Variants in CAMK1D observed in about 807,000 individuals in gnomAD.
The protein encoded by CAMK1D is calcium/calmodulin-dependent protein kinase type 1D.
Under a neutral mutation model 47.7 loss-of-function variants are expected in CAMK1D, and 9 were observed. The observed-to-expected ratio is 0.19, with a 90% confidence interval of 0.11 to 0.33. CAMK1D has a LOEUF of 0.33. Among genes scored for constraint, CAMK1D ranks in the 10% least tolerant of loss-of-function variants. The pLI is 1.00. For missense variants in CAMK1D, 291 were observed against 488.7 expected (o/e 0.60, Z 3.81); for synonymous variants, 184 against 184.9 (o/e 0.99, Z 0.04).
rs1840523438 is a variant in CAMK1D at position 12,669,057 on chromosome 10, C to A, written c.299+2247C>A. On this transcript the variant is annotated intron_variant, in intron 3 of 10. Coordinates refer to ENST00000619168, the MANE Select transcript of CAMK1D (RefSeq NM_153498.4). ...GACCAGCCTGGCCAACATGGTGAAA[C>A]CCCATCTCTACTAAAAATGTAAAAA... 2.0e-5 allele frequency among the ~76,000 whole-genome samples: 3 copies of A among 152,196 alleles called. No individual in the cohort carries two copies. In the South Asian group the frequency reaches 6.2e-4, roughly 32 times the overall value.
intron 3 of CAMK1D, among the ~76,000 whole-genome samples, chr10:12,746,688 G>A (rs189283930): frequency 1.3e-5 from 2 of 152,256 alleles, no homozygotes; most frequent in Admixed American, 6.5e-5. Flanking sequence ...CAGAGTTACT[G>A]AGGAAAGGAG....
chr10:12,470,654 T>G (rs908256102), intron 1 of CAMK1D, among the ~76,000 whole-genome samples: 11 of 152,098 alleles, frequency 7.2e-5, no homozygotes. Flanking sequence ...GTGGCTGGAA[T>G]TACTGGTGCC....
chr10:12,670,058 T>C (rs1458186703), intron 3 of CAMK1D, among the ~76,000 whole-genome samples: 3 of 152,020 alleles, frequency 2.0e-5, no homozygotes, highest in African/African-American at 7.2e-5. Context: ...ATGGGTCATA[T>C]GGTAGATGTT....
chr10:12,516,230 T>A (rs1274649190), intron 1 of CAMK1D, among the ~76,000 whole-genome samples: 2 of 152,186 alleles, frequency 1.3e-5, no homozygotes, highest in Admixed American at 6.5e-5. Flanking sequence ...TGCCTCAGCC[T>A]CCTGAGTAGC....
At chr10:12,749,507 A>C (rs1315078855) in intron 3 of CAMK1D, among the ~76,000 whole-genome samples, 1 of 150,412 alleles carries the variant, frequency 6.6e-6, no homozygotes, top group African/African-American at 2.4e-5. Flanking sequence ...AAGGGACTGG[A>C]ACACATAGAA....
chr10:12,464,973 T>G lies in CAMK1D; in HGVS notation c.93-88252T>G, dbSNP rs545142117. Among the ~76,000 whole-genome samples, 26 of 152,342 alleles carry G rather than the reference T, an allele frequency of 1.7e-4. 1 individual carries two copies. In the South Asian group the frequency reaches 5.4e-3, roughly 32 times the overall value. ...ACACATTCCTGAGACGTTCTGGATATTGGGCAAGGAATAATCAATCCTAAA... is the reference window on the plus strand; with the variant it reads ...ACACATTCCTGAGACGTTCTGGATAGTGGGCAAGGAATAATCAATCCTAAA... On this transcript the variant is annotated intron_variant, in intron 1 of 10. Transcript: ENST00000619168.
chr10:12,509,710 C>T (rs971800757), intron 1 of CAMK1D, among the ~76,000 whole-genome samples: 2 of 152,176 alleles, frequency 1.3e-5, no homozygotes, highest in African/African-American at 4.8e-5. Context: ...ATAAGGGCAC[C>T]ACTGCACTCC....
At chr10:12,569,025 A>G (rs1200192242) in intron 2 of CAMK1D, among the ~76,000 whole-genome samples, 2 of 152,196 alleles carry the variant, frequency 1.3e-5, no homozygotes, top group Non-Finnish European at 2.9e-5. Flanking sequence ...TAAACTTCCA[A>G]ATGGAAACTG....
chr10:12,610,916 G>A (rs1838599347), intron 2 of CAMK1D, among the ~76,000 whole-genome samples: 1 of 152,158 alleles, frequency 6.6e-6, no homozygotes, highest in Non-Finnish European at 1.5e-5. Flanking sequence ...TAACAGGATT[G>A]GAGACCCGAT....
intron 1 of CAMK1D, among the ~76,000 whole-genome samples, chr10:12,456,284 G>C (rs1040325060): frequency 6.6e-6 from 1 of 152,154 alleles, no homozygotes; most frequent in Non-Finnish European, 1.5e-5. Context: ...TAGAATTCCT[G>C]AATGCTCTTA....
intron 1 of CAMK1D, among the ~76,000 whole-genome samples, chr10:12,400,109 C>T (rs186420184): frequency 6.6e-5 from 10 of 152,106 alleles, no homozygotes; most frequent in Non-Finnish European, 7.3e-5. Flanking sequence ...ATGTCATTTG[C>T]GCCTGGATGT....
chr10:12,470,938 G>C (rs901274185), intron 1 of CAMK1D, among the ~76,000 whole-genome samples: 4 of 152,188 alleles, frequency 2.6e-5, no homozygotes, highest in Non-Finnish European at 4.4e-5. Context: ...GCGTGCGTGT[G>C]TGCGTGGTGG....
chr10:12,760,141 AG>A (rs948913464), intron 3 of CAMK1D, among the ~76,000 whole-genome samples: 1 of 152,162 alleles, frequency 6.6e-6, no homozygotes, highest in African/African-American at 2.4e-5. Flanking sequence ...TGTTGAACTC[AG>A]GGCAGCATAA....
intron 1 of CAMK1D, among the ~76,000 whole-genome samples, chr10:12,456,853 C>T (rs897989587): frequency 2.0e-5 from 3 of 151,386 alleles, no homozygotes; most frequent in Non-Finnish European, 2.9e-5. Context: ...GCATCTGGTG[C>T]CATGAACTAA....
At chr10:12,613,983 C>T (rs375660238) in intron 2 of CAMK1D, among the ~76,000 whole-genome samples, 2 of 152,164 alleles carry the variant, frequency 1.3e-5, no homozygotes, top group African/African-American at 2.4e-5. Flanking sequence ...CTGGTCATCA[C>T]CCCCATCACA....
At chr10:12,751,050 C>CG (rs1588884937) in intron 3 of CAMK1D, among the ~76,000 whole-genome samples, 1 of 132,542 alleles carries the variant, frequency 7.5e-6, no homozygotes, top group East Asian at 2.3e-4. Context: ...CCGTCTCCCC[C>CG]AATAAGATAA....
At chr10:12,465,691 A>G (rs1361962355) in intron 1 of CAMK1D, among the ~76,000 whole-genome samples, 3 of 152,152 alleles carry the variant, frequency 2.0e-5, no homozygotes, top group African/African-American at 7.2e-5. Context: ...CAAAGAGGTA[A>G]TGTTTTGAGC....
chr10:12,672,381 T>C lies in CAMK1D; in HGVS notation c.299+5571T>C, dbSNP rs1027859894. Among the ~76,000 whole-genome samples, 76 of 152,168 alleles carry C rather than the reference T, an allele frequency of 5.0e-4. 1 individual carries two copies. The highest frequency in any genetic ancestry group is 1.6e-3 in the African/African-American group (65 of 41,510). ...TACATAATTTTAGCTTTTGCCTTCTTTTTTTGAGATGGTGTCTCACTCTGT... is the reference window on the plus strand; with the variant it reads ...TACATAATTTTAGCTTTTGCCTTCTCTTTTTGAGATGGTGTCTCACTCTGT... On this transcript the variant is annotated intron_variant, in intron 3 of 10. Coordinates refer to ENST00000619168, the MANE Select transcript of CAMK1D (RefSeq NM_153498.4).
intron 3 of CAMK1D, among the ~76,000 whole-genome samples, chr10:12,753,594 G>A (rs1399632702): frequency 6.6e-6 from 1 of 152,208 alleles, no homozygotes; most frequent in Non-Finnish European, 1.5e-5. Context: ...AGAACGGGCT[G>A]CCTCACCCTT....
Sources: allele counts gnomAD v4.1 joint callset (sites outside exome capture counted in the v4.1 genomes callset), GRCh38; gene constraint gnomAD v4.1.1; transcripts MANE v1.5; gene names NCBI Gene and HGNC (gene_info 2026-07-23, HGNC 2026-07-21).